The following PDE11A variants were observed in gnomAD, a reference collection of about 807,000 sequenced individuals.
PDE11A encodes the protein phosphodiesterase 11A.
In PDE11A, 100 loss-of-function variants were observed where a neutral mutation model predicts 100.5. That is an observed-to-expected ratio of 1.00 (90% CI 0.85 to 1.18). The LOEUF (loss-of-function observed/expected upper bound fraction) is 1.18, where lower values mean the gene tolerates loss of function less well. Ranked by LOEUF, PDE11A falls within the 50% of genes most tolerant of loss-of-function variation. The probability of loss-of-function intolerance (pLI) is 0.00; values close to 1 mark genes in which losing one functional copy is unlikely to be tolerated. For missense variants in PDE11A, 1,141 were observed against 1,152.6 expected (o/e 0.99, Z 0.15); for synonymous variants, 381 against 420.8 (o/e 0.91, Z 1.16).
chr2:177,688,687 G>A (rs1410678876), intron 15 of PDE11A, among the ~76,000 whole-genome samples: 2 of 152,228 alleles, frequency 1.3e-5, no homozygotes, highest in African/African-American at 2.4e-5. Context: ...AATCAGATAT[G>A]TTTTTATTAG....
intron 9 of PDE11A, among the ~76,000 whole-genome samples, chr2:177,808,972 T>C (rs1049402149): frequency 6.6e-6 from 1 of 152,172 alleles, no homozygotes; most frequent in Non-Finnish European, 1.5e-5. Context: ...ACAACCTTAA[T>C]GAACCTGGAA....
chr2:177,686,052 C>T (rs908945742), intron 15 of PDE11A, among the ~76,000 whole-genome samples: 1 of 152,152 alleles, frequency 6.6e-6, no homozygotes, highest in Non-Finnish European at 1.5e-5. Flanking sequence ...AGGGAACATC[C>T]AGTATTCCTA....
chr2:177,654,336 G>A (rs2080350764), intron 19 of PDE11A, among the ~76,000 whole-genome samples: 1 of 152,140 alleles, frequency 6.6e-6, no homozygotes, highest in Admixed American at 6.5e-5. Context: ...CTTGGGCAAT[G>A]TGGTGAAACC....
rs2079860525 is a variant in PDE11A at position 177,627,892 on chromosome 2, G to T, written c.*1515C>A. The T allele has an allele frequency of 6.6e-6, 1 of 152,058 alleles. No individual in the cohort carries two copies. Among genetic ancestry groups the T allele is most frequent in the Non-Finnish European group, 1.5e-5 (1 of 68,008 alleles). 9.4% of individuals were successfully genotyped at this position (152,058 alleles called of 1,614,324 possible). A position where few individuals can be genotyped will look rare whatever the true frequency, so the allele number is the denominator to read the frequency against. On this transcript the variant is annotated 3_prime_UTR_variant, in exon 20 of 20. Coordinates refer to ENST00000286063, the MANE Select transcript of PDE11A (RefSeq NM_016953.4). ...AAACAAAAACAATAACAAGAAAAATGGTTTGTAAATTTCAGATTTTTTTAA... is the reference window on the plus strand; with the variant it reads ...AAACAAAAACAATAACAAGAAAAATTGTTTGTAAATTTCAGATTTTTTTAA...
At chr2:177,968,901 G>T (rs1419582198) in intron 2 of PDE11A, among the ~76,000 whole-genome samples, 1 of 152,124 alleles carries the variant, frequency 6.6e-6, no homozygotes, top group Non-Finnish European at 1.5e-5. Flanking sequence ...CATTTGATCT[G>T]GCAATCCCAT....
chr2:178,101,118 G>A (rs1445376580), intron 2 of PDE11A, among the ~76,000 whole-genome samples: 2 of 152,170 alleles, frequency 1.3e-5, no homozygotes, highest in Non-Finnish European at 2.9e-5. Context: ...GACACCAGCT[G>A]CAAGCTCAGC....
chr2:177,961,667 A>G lies in PDE11A; in HGVS notation c.1071+52635T>C, dbSNP rs532642331. 5.9e-5 allele frequency among the ~76,000 whole-genome samples: 9 copies of G among 152,304 alleles called. No homozygotes were observed. The East Asian group carries it at 1.7e-3, about 29-fold the overall frequency. ...TATTATTTTCTTGAAGCCAATTCCC[A>G]CATTTTTACTTACATTTAATTTTAT... On this transcript the variant is annotated intron_variant, in intron 2 of 19. Transcript: ENST00000286063.
intron 1 of PDE11A, among the ~76,000 whole-genome samples, chr2:178,105,415 C>T (rs769877284): frequency 1.2e-4 from 19 of 152,064 alleles, no homozygotes; most frequent in East Asian, 1.9e-4. Context: ...GCTGAGATTG[C>T]GCCACTGCAC....
intron 2 of PDE11A, among the ~76,000 whole-genome samples, chr2:177,926,533 C>T (rs535592439): frequency 1.3e-5 from 2 of 151,976 alleles, no homozygotes; most frequent in Non-Finnish European, 1.5e-5. Flanking sequence ...GCACTGAGGG[C>T]GAACAGCTCT....
chr2:178,094,880 C>T (rs1042309008), intron 2 of PDE11A, among the ~76,000 whole-genome samples: 1 of 152,108 alleles, frequency 6.6e-6, no homozygotes, highest in Non-Finnish European at 1.5e-5. Flanking sequence ...ACTTATAAAA[C>T]CATCAGATAT....
At chr2:178,045,184 T>C (rs545052923) in intron 1 of PDE11A, among the ~76,000 whole-genome samples, 14 of 152,278 alleles carry the variant, frequency 9.2e-5, no homozygotes, top group Middle Eastern at 3.4e-3. Flanking sequence ...TGTTTTATGA[T>C]GGATATATGC....
intron 6 of PDE11A, among the ~76,000 whole-genome samples, chr2:177,827,653 A>G (rs1213528948): frequency 2.0e-5 from 3 of 152,222 alleles, no homozygotes; most frequent in Non-Finnish European, 2.9e-5. Context: ...ATTTTAATGC[A>G]TTCTTTGAAT....
chr2:177,881,387 CCATCT>C lies in PDE11A; in HGVS notation c.1303-5469_1303-5465del, dbSNP rs1558989469. Among the ~76,000 whole-genome samples, 812 of 151,446 alleles carry C rather than the reference CCATCT, an allele frequency of 5.4e-3. 4 individuals carry two copies. Among genetic ancestry groups the C allele is most frequent in the African/African-American group, 0.018 (736 of 41,138 alleles). ...TCTATCTATCTATCTATCTATCTAT[CCATCT>C]ATCTATCTAGTCTCCTATTGGTTCT... On this transcript the variant is annotated intron_variant, in intron 4 of 19. Coordinates refer to ENST00000286063, the MANE Select transcript of PDE11A (RefSeq NM_016953.4).
chr2:177,640,038 T>C (rs551174961), intron 19 of PDE11A, among the ~76,000 whole-genome samples: 1 of 152,334 alleles, frequency 6.6e-6, no homozygotes, highest in African/African-American at 2.4e-5. Flanking sequence ...AGAGAGAAGA[T>C]GGTTTTGGCC....
intron 2 of PDE11A, among the ~76,000 whole-genome samples, chr2:177,964,116 TC>T (rs2085668302): frequency 6.7e-6 from 1 of 149,918 alleles, no homozygotes; most frequent in African/African-American, 2.5e-5. Flanking sequence ...AGTCAAATAA[TC>T]AACAGGATTT....
At chr2:178,016,131 ATTTTTTTT>A (rs55638601) in intron 1 of PDE11A, among the ~76,000 whole-genome samples, 2 of 83,744 alleles carry the variant, frequency 2.4e-5, no homozygotes, top group African/African-American at 4.9e-5. Flanking sequence ...TGCCTGGCTA[ATTTTTTTT>A]TTTTTTTTTT....
chr2:178,013,790 A>C (rs541553163), intron 2 of PDE11A, among the ~76,000 whole-genome samples: 1 of 152,306 alleles, frequency 6.6e-6, no homozygotes, highest in South Asian at 2.1e-4. Context: ...TACTTCCACC[A>C]AGGTCAATTA....
chr2:178,033,165 G>A (rs995659616), intron 1 of PDE11A, among the ~76,000 whole-genome samples: 6 of 152,174 alleles, frequency 3.9e-5, no homozygotes, highest in Admixed American at 6.5e-5. Flanking sequence ...AAGGTTACAG[G>A]AACTGCTAAC....
At chr2:178,008,447 T>C (rs1013943577) in intron 2 of PDE11A, among the ~76,000 whole-genome samples, 1 of 152,182 alleles carries the variant, frequency 6.6e-6, no homozygotes, top group Non-Finnish European at 1.5e-5. Flanking sequence ...TCAAATCCCA[T>C]GCAAGTCATA....
Sources: gnomAD v4.1 joint callset for allele counts (sites outside exome capture counted in the v4.1 genomes callset) on GRCh38, gnomAD v4.1.1 for gene constraint, MANE v1.5 for transcripts, NCBI Gene and HGNC (gene_info 2026-07-23, HGNC 2026-07-21) for gene names.